Variants in TGFBI observed in about 807,000 individuals in gnomAD.
TGFBI encodes the protein transforming growth factor beta induced.
TGFBI carries 50 observed loss-of-function variants against 73.7 expected under a neutral mutation model. The observed-to-expected ratio is 0.68, with a 90% CI of 0.54 to 0.86. The LOEUF (loss-of-function observed/expected upper bound fraction) is 0.86. TGFBI is among the 40% of genes least tolerant of loss of function. The pLI, the probability that TGFBI is intolerant of heterozygous loss-of-function variation, is 0.00. For synonymous variants in TGFBI, 362 were observed against 360.5 expected (o/e 1.00, Z -0.05); for missense variants, 839 against 877.0 (o/e 0.96, Z 0.55).
At chr5:136,058,013 C>T (rs1259917035) in intron 12 of TGFBI, among the ~76,000 whole-genome samples, 1 of 152,086 alleles carries the variant, frequency 6.6e-6, no homozygotes, top group African/African-American at 2.4e-5. Context: ...CACACCCTCC[C>T]CCAGGCCTGA....
In TGFBI at chr5:136,052,980, C is replaced by T; in HGVS notation, c.987C>T (p.Thr329=). The T allele has an allele frequency of 1.2e-6, 2 of 1,613,978 alleles. No individual in the cohort carries two copies. The highest frequency in any genetic ancestry group is 8.5e-7 in the Non-Finnish European group (1 of 1,179,886). The change falls in exon 8 of 17, where the codon ACC becomes ACT. Residue 329 remains threonine (T), a synonymous_variant. Transcript: ENST00000442011. The part of the protein sequence containing the change: ...EAIVAGLSVE[T]LEGTTLEVGC... ...TCGTTGCGGGGCTGTCTGTAGAGAC[C>T]CTGGAGGGCACGACACTGGAGGTGG...
At chr5:136,043,719 C>G (rs1449039008) in intron 2 of TGFBI, among the ~76,000 whole-genome samples, 1 of 152,214 alleles carries the variant, frequency 6.6e-6, no homozygotes, top group African/African-American at 2.4e-5. Flanking sequence ...GGAACACTCA[C>G]CATCGGCTTT....
At chr5:136,041,588 T>G (rs1006452829) in intron 2 of TGFBI, among the ~76,000 whole-genome samples, 1 of 152,208 alleles carries the variant, frequency 6.6e-6, no homozygotes, top group Non-Finnish European at 1.5e-5. Flanking sequence ...CTAGGTCTGT[T>G]ACTACCTACC....
chr5:136,029,054 C>A lies in TGFBI; in HGVS notation c.-2C>A. On this transcript the variant is annotated 5_prime_UTR_variant, in exon 1 of 17. Coordinates refer to ENST00000442011, the MANE Select transcript of TGFBI (RefSeq NM_000358.3). ...CTCGCTCGGTGCGCGTCGTCCCGCT[C>A]CATGGCGCTCTTCGTGCGGCTGCTG... The A allele has an allele frequency of 6.5e-7, 1 of 1,527,312 alleles. No homozygotes were observed. The allele number at this position is 1,527,312 out of a possible 1,614,324, so 94.6% of individuals were successfully genotyped here.
chr5:136,041,952 T>C (rs1751346275), intron 2 of TGFBI, among the ~76,000 whole-genome samples: 1 of 152,218 alleles, frequency 6.6e-6, no homozygotes, highest in South Asian at 2.1e-4. Flanking sequence ...AGGGGCTCCA[T>C]GCCATAGAGA....
At chr5:136,062,716 G>A in intron 16 of TGFBI, 29 bp downstream of exon 16, 1 of 1,561,352 alleles carries the variant, frequency 6.4e-7, no homozygotes, top group Non-Finnish European at 8.7e-7. Context: ...TGAAGTCATT[G>A]CAGACCTGTT....
At chr5:136,043,303 A>T (rs1751371603) in intron 2 of TGFBI, among the ~76,000 whole-genome samples, 1 of 152,202 alleles carries the variant, frequency 6.6e-6, no homozygotes, top group Non-Finnish European at 1.5e-5. Context: ...GGTTCGTTAA[A>T]GCTGTGTATT....
intron 13 of TGFBI, among the ~76,000 whole-genome samples, chr5:136,060,138 C>G (rs58759191): frequency 0.55 from 82,888 of 151,568 alleles, 23,655 homozygotes; most frequent in African/African-American, 0.72. Flanking sequence ...CTTCCATTTC[C>G]AGCTGTTCCA....
chr5:136,046,357 C>G lies in TGFBI; in HGVS notation c.321C>G (p.Tyr107Ter). Residue 107 changes from tyrosine to a stop codon, truncating the protein, a stop_gained, in exon 4 of 17, where the codon TAC becomes TAG. Transcript: ENST00000442011. LOFTEE classifies it high-confidence loss of function. ...CPAALPLSNL[Y>*]ETLGVVGSTT... is the part of the protein sequence containing the mutation. Reference sequence around the variant, plus strand: ...CAGCCCTACCACTCTCAAACCTTTACGAGACCCTGGGAGTCGTTGGATCCA... The same window carrying G: ...CAGCCCTACCACTCTCAAACCTTTAGGAGACCCTGGGAGTCGTTGGATCCA... 6.2e-7 allele frequency: 1 copy of G among 1,613,928 alleles called. No homozygotes were observed.
At chr5:136,047,651 C>A in intron 6 of TGFBI, 2 of 546,000 alleles carry the variant, frequency 3.7e-6, no homozygotes, top group African/African-American at 1.9e-5. Flanking sequence ...CTTGCCTCCC[C>A]TGGAAAGGTC....
chr5:136,063,166 T>C lies in TGFBI; in HGVS notation c.2012-20T>C. 1 of 1,612,538 alleles carries C rather than the reference T, an allele frequency of 6.2e-7. No homozygotes were observed. ...GGGGAGATCTGCACCTATTTGACGT[T>C]ACCAACTTCTCTTTTTCAGCCCCTG... is the stretch of plus-strand genomic sequence containing the variant. On this transcript the variant is annotated intron_variant, in intron 16 of 16. Transcript: ENST00000442011.
intron 7 of TGFBI, among the ~76,000 whole-genome samples, chr5:136,052,693 G>T (rs556622947): frequency 2.0e-5 from 3 of 152,320 alleles, no homozygotes; most frequent in Non-Finnish European, 4.4e-5. Flanking sequence ...ACTCTCCCAG[G>T]GTCCCACAGC....
chr5:136,038,982 A>G (rs144262013), intron 2 of TGFBI, among the ~76,000 whole-genome samples: 5 of 152,294 alleles, frequency 3.3e-5, no homozygotes, highest in African/African-American at 1.2e-4. Flanking sequence ...ATTTGTGGTA[A>G]TTTGTCACAG....
intron 9 of TGFBI, 114 bp downstream of exon 9, chr5:136,054,194 C>A: frequency 7.2e-7 from 1 of 1,396,412 alleles, no homozygotes; most frequent in Non-Finnish European, 9.7e-7. Flanking sequence ...AGAACTTCCA[C>A]TCAGCTCAAC....
chr5:136,054,855 T>C lies in TGFBI; in HGVS notation c.1404T>C (p.Tyr468=), dbSNP rs781643226. ...LGGKKLRVFV[Y]RNSLCIENSC... The stretch of plus-strand genomic sequence containing the variant: ...GCAAAAAACTGAGAGTTTTTGTTTA[T>C]CGTAATGTAAGTTCTGGGTCCTAAA... The change falls in exon 10 of 17, where the codon TAT becomes TAC. Residue 468 remains tyrosine (Y), a synonymous_variant. Coordinates refer to ENST00000442011, the MANE Select transcript of TGFBI (RefSeq NM_000358.3). 6.2e-6 allele frequency: 10 copies of C among 1,613,556 alleles called. No homozygotes were observed. The highest frequency in any genetic ancestry group is 1.3e-5 in the African/African-American group (1 of 74,850).
At chr5:136,041,440 G>T (rs1190068893) in intron 2 of TGFBI, among the ~76,000 whole-genome samples, 2 of 152,182 alleles carry the variant, frequency 1.3e-5, no homozygotes, top group African/African-American at 4.8e-5. Context: ...TGCTGACAAG[G>T]GCTAGCCTTG....
chr5:136,053,261 A>G, intron 8 of TGFBI, 142 bp downstream of exon 8: 1 of 755,396 alleles, frequency 1.3e-6, no homozygotes, highest in South Asian at 1.7e-5. Context: ...GCCACTGCAA[A>G]TGTGTGGGTT....
At position 136,058,995 on chromosome 5, in the gene TGFBI, G is replaced by A. The variant is rs1751698507; in HGVS notation, c.1679-95G>A. 29 of 1,475,856 alleles carry A rather than the reference G, an allele frequency of 2.0e-5. No homozygotes were observed. In the South Asian group the frequency reaches 3.5e-4, roughly 18 times the overall value. The allele number at this position is 1,475,856 out of a possible 1,614,324, so 91.4% of individuals were successfully genotyped here. A position where few individuals can be genotyped will look rare whatever the true frequency, so the allele number is the denominator to read the frequency against. Reference sequence around the variant, plus strand: ...CTGGGCAGGGAGTTCTTCATTTCAGGGGTGACCACTTACATCTTCTCCTCT... The same window carrying A: ...CTGGGCAGGGAGTTCTTCATTTCAGAGGTGACCACTTACATCTTCTCCTCT... On this transcript the variant is annotated intron_variant, in intron 12 of 16. Coordinates refer to ENST00000442011, the MANE Select transcript of TGFBI (RefSeq NM_000358.3).
At chr5:136,057,474 G>T (rs754954221) in intron 12 of TGFBI, among the ~76,000 whole-genome samples, 3 of 152,096 alleles carry the variant, frequency 2.0e-5, no homozygotes, top group Non-Finnish European at 4.4e-5. Flanking sequence ...AATGAGGAAG[G>T]TAAGAGTATC....
Sources: gnomAD v4.1 joint callset for allele counts (sites outside exome capture counted in the v4.1 genomes callset) on GRCh38, gnomAD v4.1.1 for gene constraint, MANE v1.5 for transcripts, NCBI Gene and HGNC (gene_info 2026-07-23, HGNC 2026-07-21) for gene names.